Variants in CCSER1 observed in about 807,000 individuals in gnomAD.
CCSER1 encodes coiled-coil serine rich protein 1, also known as serine-rich coiled-coil domain-containing protein 1.
In CCSER1, 41 loss-of-function variants were observed where a neutral mutation model predicts 82.0. The observed-to-expected ratio is 0.50, with a 90% confidence interval of 0.39 to 0.65. The LOEUF (loss-of-function observed/expected upper bound fraction) is 0.65, where lower values mean the gene tolerates loss of function less well. Ranked by LOEUF, CCSER1 falls within the 30% of genes least tolerant of loss-of-function variation. The probability of loss-of-function intolerance (pLI) is 0.00; values close to 1 mark genes in which losing one functional copy is unlikely to be tolerated. For synonymous variants in CCSER1, 414 were observed against 383.9 expected, an observed-to-expected ratio of 1.08 and a Z score of -0.92; for missense variants, 1,119 against 1,064.2, an observed-to-expected ratio of 1.05 and a Z score of -0.72.
At chr4:91,252,460 A>G (rs2149149278) in intron 10 of CCSER1, among the ~76,000 whole-genome samples, 1 of 152,322 alleles carries the variant, frequency 6.6e-6, no homozygotes, top group Admixed American at 6.5e-5. Flanking sequence ...TATTGTAACA[A>G]TGGTTTGTAA....
At chr4:90,605,538 G>C (rs977981103) in intron 5 of CCSER1, among the ~76,000 whole-genome samples, 2 of 152,120 alleles carry the variant, frequency 1.3e-5, no homozygotes, top group African/African-American at 4.8e-5. Flanking sequence ...TACAAATCCA[G>C]TCTAAAATGT....
chr4:90,815,662 T>C (rs1374405855), intron 7 of CCSER1, 100 bp from the exon 8 acceptor site: 20 of 713,640 alleles, frequency 2.8e-5, no homozygotes, highest in Non-Finnish European at 4.6e-5. Flanking sequence ...GTTTCGTTAG[T>C]CAGATGCAAT....
chr4:91,221,902 C>T (rs1737781402), intron 10 of CCSER1, among the ~76,000 whole-genome samples: 1 of 151,988 alleles, frequency 6.6e-6, no homozygotes, highest in Non-Finnish European at 1.5e-5. Flanking sequence ...ATGGCAAAAA[C>T]ATATTGTCCG....
intron 5 of CCSER1, among the ~76,000 whole-genome samples, chr4:90,480,524 G>T (rs942417324): frequency 6.6e-5 from 10 of 152,170 alleles, no homozygotes; most frequent in Non-Finnish European, 1.5e-4. Context: ...TAACATTTAA[G>T]TCTTTCATCC....
intron 9 of CCSER1, chr4:90,938,842 G>A (rs1731261599): frequency 6.0e-6 from 1 of 166,338 alleles, no homozygotes; most frequent in South Asian, 1.3e-4. Context: ...ATGTAATATA[G>A]AAAAATTTTC....
chr4:90,898,269 CTTTTTTTTTTTT>C lies in CCSER1; in HGVS notation c.2095-25082_2095-25071del, dbSNP rs70963094. On this transcript the variant is annotated intron_variant, in intron 8 of 10. Transcript: ENST00000509176. ...CCTTACTTTTAAATCTTTAATCCAT[CTTTTTTTTTTTT>C]TTTTTTTTTTTTTTTTTTGAGACAG... Among the ~76,000 whole-genome samples, 90 of 52,544 alleles carry C rather than the reference CTTTTTTTTTTTT, an allele frequency of 1.7e-3. 2 individuals carry two copies. The highest frequency in any genetic ancestry group is 5.7e-3 in the African/African-American group (75 of 13,192). The allele number at this position is 52,544 out of a possible 152,430, so 34.5% of individuals were successfully genotyped here. A position where few individuals can be genotyped will look rare whatever the true frequency, so the allele number is the denominator to read the frequency against.
rs138735245 is a variant in CCSER1, at chr4:91,237,183, CCTGA to C, written c.2217+151192_2217+151195del. ...AATATTATATGTCCATTCTTTCTTTCCTGACTATTTTTATACCTGTCAATTCTTG... is the reference window on the plus strand; with the variant it reads ...AATATTATATGTCCATTCTTTCTTTCCTATTTTTATACCTGTCAATTCTTG... On this transcript the variant is annotated intron_variant, in intron 10 of 10. Coordinates refer to ENST00000509176, the MANE Select transcript of CCSER1 (RefSeq NM_001145065.2). Among the ~76,000 whole-genome samples the C allele has an allele frequency of 5.4e-3, 821 of 151,766 alleles. 5 individuals carry two copies. Among genetic ancestry groups the C allele is most frequent in the African/African-American group, 0.019 (769 of 41,428 alleles).
Position 91,599,535 on chromosome 4 carries a change from A to G in CCSER1, c.*478A>G, listed in dbSNP as rs190716650. 35 of 152,330 alleles carry G rather than the reference A, an allele frequency of 2.3e-4. No homozygotes were observed. Among genetic ancestry groups the G allele is most frequent in the African/African-American group, 7.2e-4 (30 of 41,566 alleles). The allele number at this position is 152,330 out of a possible 1,614,324, so 9.4% of individuals were successfully genotyped here. On this transcript the variant is annotated 3_prime_UTR_variant, in exon 11 of 11. Transcript: ENST00000509176. The stretch of plus-strand genomic sequence containing the variant: ...AAAAAGAGAAATGTTAACGTCTTAT[A>G]TTTGGTGGTATATTTATTTGAAGAA...
At chr4:90,274,823 GATAC>G (rs1331777156) in intron 1 of CCSER1, among the ~76,000 whole-genome samples, 1 of 151,908 alleles carries the variant, frequency 6.6e-6, no homozygotes, top group Non-Finnish European at 1.5e-5. Context: ...ATTTTAAATG[GATAC>G]ATTAAACATA....
intron 10 of CCSER1, among the ~76,000 whole-genome samples, chr4:91,402,297 T>C (rs148422644): frequency 0.015 from 2,306 of 152,134 alleles, 59 homozygotes; most frequent in African/African-American, 0.052. Flanking sequence ...GAAATTAGCC[T>C]TTTGTCAGAT....
At chr4:90,811,983 T>TAAACACACACACACACACAC (rs1435975989) in intron 7 of CCSER1, among the ~76,000 whole-genome samples, 9 of 124,574 alleles carry the variant, frequency 7.2e-5, no homozygotes, top group Non-Finnish European at 1.2e-4. Flanking sequence ...TATATATATA[T>TAAACACACACACACACACAC]ATATATAAAC....
At chr4:91,026,006 C>T (rs1174535035) in intron 9 of CCSER1, among the ~76,000 whole-genome samples, 1 of 152,122 alleles carries the variant, frequency 6.6e-6, no homozygotes, top group African/African-American at 2.4e-5. Flanking sequence ...TTTCAGTGCA[C>T]TGTGCTTGTG....
intron 10 of CCSER1, among the ~76,000 whole-genome samples, chr4:91,408,939 A>C (rs1433193186): frequency 6.6e-6 from 1 of 152,228 alleles, no homozygotes; most frequent in Non-Finnish European, 1.5e-5. Context: ...GGATACCCTC[A>C]GGTCAGACCT....
intron 3 of CCSER1, among the ~76,000 whole-genome samples, chr4:90,316,732 G>T (rs112266369): frequency 2.0e-5 from 3 of 152,226 alleles, no homozygotes; most frequent in African/African-American, 7.2e-5. Context: ...CTGAAAGACC[G>T]AAGATATTAC....
At chr4:90,411,601 A>C (rs1284058722) in intron 4 of CCSER1, among the ~76,000 whole-genome samples, 1 of 152,222 alleles carries the variant, frequency 6.6e-6, no homozygotes, top group Non-Finnish European at 1.5e-5. Flanking sequence ...TCAATAAATT[A>C]GGTATTGATG....
intron 3 of CCSER1, among the ~76,000 whole-genome samples, chr4:90,342,654 C>G (rs1385492414): frequency 1.3e-5 from 2 of 152,144 alleles, no homozygotes; most frequent in African/African-American, 4.8e-5. Context: ...CTGTCACCTG[C>G]TCATTTTCCC....
chr4:90,252,889 C>T (rs534359010), intron 1 of CCSER1, among the ~76,000 whole-genome samples: 2 of 151,836 alleles, frequency 1.3e-5, no homozygotes, highest in African/African-American at 4.8e-5. Flanking sequence ...GCATTCCTGT[C>T]ATTTTTATTT....
intron 10 of CCSER1, among the ~76,000 whole-genome samples, chr4:91,260,268 AAC>A (rs1194617074): frequency 1.3e-5 from 2 of 152,190 alleles, no homozygotes; most frequent in Non-Finnish European, 2.9e-5. Context: ...CCAACAGCAT[AAC>A]ACACTGTTCT....
chr4:91,354,992 T>C (rs962033808), intron 10 of CCSER1, among the ~76,000 whole-genome samples: 3 of 152,180 alleles, frequency 2.0e-5, no homozygotes, highest in African/African-American at 7.2e-5. Flanking sequence ...CAATGCCTAA[T>C]GATACATATT....
Sources: gnomAD v4.1 joint callset for allele counts (sites outside exome capture counted in the v4.1 genomes callset) on GRCh38, gnomAD v4.1.1 for gene constraint, MANE v1.5 for transcripts, NCBI Gene and HGNC (gene_info 2026-07-23, HGNC 2026-07-21) for gene names.